The following AGR3 variants were observed in gnomAD, a reference collection of about 807,000 sequenced individuals.
AGR3 encodes the protein anterior gradient 3, protein disulphide isomerase family member.
In AGR3, 37 loss-of-function variants were observed where a neutral mutation model predicts 24.5. The ratio of observed to expected loss-of-function variants is 1.51; its 90% CI spans 1.16 to 1.99. AGR3 has a LOEUF of 1.99. AGR3 is among the 30% of genes most tolerant of loss of function. The pLI, the probability that AGR3 is intolerant of heterozygous loss-of-function variation, is 0.00. For missense variants in AGR3, 228 were observed against 191.1 expected, an observed-to-expected ratio of 1.19 and a Z score of -1.14; for synonymous variants, 75 against 61.6, an observed-to-expected ratio of 1.22 and a Z score of -1.02.
rs191358836 is a variant in AGR3 at position 16,879,362 on chromosome 7, C to T, written c.-27-717G>A. ...CTAGAATTCAAACTGATTCTTAACTCAATGTGCATCTTTTATACTTTGCAC... is the reference window on the plus strand; with the variant it reads ...CTAGAATTCAAACTGATTCTTAACTTAATGTGCATCTTTTATACTTTGCAC... On this transcript the variant is annotated intron_variant, in intron 1 of 7. Coordinates refer to ENST00000310398, the MANE Select transcript of AGR3 (RefSeq NM_176813.5). Among the ~76,000 whole-genome samples the T allele has an allele frequency of 3.3e-3, 495 of 152,304 alleles. 2 individuals are homozygous for T. Among genetic ancestry groups the T allele is most frequent in the Non-Finnish European group, 4.9e-3 (335 of 68,020 alleles).
chr7:16,865,585 C>T (rs1401688204), intron 3 of AGR3: 4 of 720,506 alleles, frequency 5.6e-6, no homozygotes, highest in South Asian at 4.5e-5. Flanking sequence ...TTCCTTAGAA[C>T]TTCATGTAAA....
At chr7:16,860,689 G>A in intron 6 of AGR3, 106 bp from the exon 7 acceptor site, 3 of 751,918 alleles carry the variant, frequency 4.0e-6, no homozygotes, top group Non-Finnish European at 6.6e-6. Flanking sequence ...ATGTGTACAA[G>A]TTTGTTACAC....
At position 16,859,465 on chromosome 7, in the gene AGR3, A is replaced by G. The variant is rs1354317535; in HGVS notation, c.*117T>C. Reference sequence around the variant, plus strand: ...AGACTATTGCAAACACATTAAAAAAACTAAATAGTAATATTACAAAATCTA... The same window carrying G: ...AGACTATTGCAAACACATTAAAAAAGCTAAATAGTAATATTACAAAATCTA... On this transcript the variant is annotated 3_prime_UTR_variant, in exon 8 of 8. Coordinates refer to ENST00000310398, the MANE Select transcript of AGR3 (RefSeq NM_176813.5). The G allele has an allele frequency of 1.5e-6, 1 of 682,396 alleles. No homozygotes were observed. Among genetic ancestry groups the G allele is most frequent in the Non-Finnish European group, 2.4e-6 (1 of 408,426 alleles). 42.3% of individuals were successfully genotyped at this position (682,396 alleles called of 1,614,324 possible). A position where few individuals can be genotyped will look rare whatever the true frequency, so the allele number is the denominator to read the frequency against.
At position 16,862,677 on chromosome 7, in the gene AGR3, T is replaced by C. The variant is rs775021867; in HGVS notation, c.174-15A>G. On this transcript the variant is annotated splice_polypyrimidine_tract_variant and intron_variant, in intron 3 of 7. Transcript: ENST00000310398. Reference sequence around the variant, plus strand: ...ATGGCTTCTTACTAAACAAAGAAAGTATGGAATTAAGTCAAATGATTAACT... The same window carrying C: ...ATGGCTTCTTACTAAACAAAGAAAGCATGGAATTAAGTCAAATGATTAACT... 1.3e-6 allele frequency: 2 copies of C among 1,529,320 alleles called. No individual in the cohort carries two copies. The highest frequency in any genetic ancestry group is 2.6e-5 in the South Asian group (2 of 78,294). 94.7% of individuals were successfully genotyped at this position (1,529,320 alleles called of 1,614,324 possible). A position where few individuals can be genotyped will look rare whatever the true frequency, so the allele number is the denominator to read the frequency against.
chr7:16,865,598 A>G, intron 3 of AGR3: 3 of 729,144 alleles, frequency 4.1e-6, no homozygotes, highest in Non-Finnish European at 7.6e-6. Flanking sequence ...CATGTAAAGT[A>G]TGAGAATCCC....
intron 3 of AGR3, chr7:16,866,194 A>G (rs1781754964): frequency 5.3e-5 from 28 of 531,770 alleles, no homozygotes; most frequent in South Asian, 3.9e-4. Flanking sequence ...ACACCTAATG[A>G]TGTGGCAGTA....
At chr7:16,866,396 C>T in intron 3 of AGR3, 1 of 284,630 alleles carries the variant, frequency 3.5e-6, no homozygotes. Flanking sequence ...GGTAACTGTC[C>T]CTGAAGATGC....
downstream of AGR3, among the ~76,000 whole-genome samples, chr7:16,854,813 C>T (rs192591671): frequency 6.6e-6 from 1 of 152,268 alleles, no homozygotes; most frequent in Admixed American, 6.5e-5. Flanking sequence ...AGTGTGTTTG[C>T]TGACAACCTT....
intron 3 of AGR3, among the ~76,000 whole-genome samples, chr7:16,867,650 C>T (rs531688921): frequency 1.3e-5 from 2 of 152,222 alleles, no homozygotes; most frequent in African/African-American, 2.4e-5. Flanking sequence ...GCAAGAACTC[C>T]CCATCCTCAC....
chr7:16,866,804 G>A (rs1583839421), intron 3 of AGR3, among the ~76,000 whole-genome samples: 1 of 151,804 alleles, frequency 6.6e-6, no homozygotes, highest in Non-Finnish European at 1.5e-5. Flanking sequence ...TAATATATAG[G>A]AGTACGTTGT....
At chr7:16,856,167 T>C (rs2115397826), downstream of AGR3, among the ~76,000 whole-genome samples, 1 of 152,306 alleles carries the variant, frequency 6.6e-6, no homozygotes, top group East Asian at 1.9e-4. Context: ...ATTTCTTTTA[T>C]CCAGTCTATC....
chr7:16,860,278 A>G (rs1168608013), intron 7 of AGR3, among the ~76,000 whole-genome samples: 1 of 152,208 alleles, frequency 6.6e-6, no homozygotes, highest in African/African-American at 2.4e-5. Flanking sequence ...TAGTGAGCTC[A>G]GAATTTAGTA....
At chr7:16,875,743 GT>G (rs201378186) in intron 2 of AGR3, among the ~76,000 whole-genome samples, 53 of 149,116 alleles carry the variant, frequency 3.6e-4, no homozygotes, top group Non-Finnish European at 6.7e-4. Context: ...TTTGTTTTTT[GT>G]TTTTTTTTGC....
chr7:16,874,798 C>T (rs532382959), intron 2 of AGR3, among the ~76,000 whole-genome samples: 26 of 152,114 alleles, frequency 1.7e-4, no homozygotes, highest in Admixed American at 3.3e-4. Context: ...AAAATTCATA[C>T]GCCAATACAA....
At chr7:16,857,613 A>G (rs1781572008), downstream of AGR3, among the ~76,000 whole-genome samples, 1 of 152,174 alleles carries the variant, frequency 6.6e-6, no homozygotes, top group African/African-American at 2.4e-5. Flanking sequence ...ATTCATTAAA[A>G]TAAAAGCTCT....
At chr7:16,856,203 T>C (rs894341985), downstream of AGR3, among the ~76,000 whole-genome samples, 3 of 152,240 alleles carry the variant, frequency 2.0e-5, no homozygotes, top group Non-Finnish European at 4.4e-5. Context: ...TCAAAGTTAG[T>C]ATCTGGCAGA....
intron 3 of AGR3, 55 bp from the exon 4 acceptor site, chr7:16,862,717 A>G (rs529457478): frequency 9.6e-6 from 12 of 1,249,670 alleles, no homozygotes; most frequent in Middle Eastern, 2.4e-4. Context: ...GTCAAAATAT[A>G]CAGTAGAGTT....
chr7:16,865,334 G>T, intron 3 of AGR3: 1 of 1,169,734 alleles, frequency 8.5e-7, no homozygotes. Context: ...ATCCTTGACA[G>T]AGCACCTCTA....
intron 3 of AGR3, chr7:16,864,863 C>T: frequency 1.2e-6 from 1 of 866,224 alleles, no homozygotes; most frequent in East Asian, 2.4e-5. Context: ...GTATTCCAGT[C>T]ACCACTGAGG....
Sources: allele counts gnomAD v4.1 joint callset (sites outside exome capture counted in the v4.1 genomes callset), GRCh38; gene constraint gnomAD v4.1.1; transcripts MANE v1.5; gene names NCBI Gene and HGNC (gene_info 2026-07-23, HGNC 2026-07-21).